CRTAC1: variants seen among roughly 807,000 people sequenced by gnomAD.
The protein encoded by CRTAC1 is cartilage acidic protein 1.
A neutral mutation model predicts 67.8 loss-of-function variants in CRTAC1; 37 were observed. The observed-to-expected ratio is 0.55, with a 90% confidence interval of 0.42 to 0.72. The LOEUF (loss-of-function observed/expected upper bound fraction) is 0.72. CRTAC1 is among the 30% of genes least tolerant of loss of function. The pLI is 0.00. For synonymous variants in CRTAC1, 348 were observed against 371.0 expected (o/e 0.94, Z 0.71); for missense variants, 780 against 931.6 (o/e 0.84, Z 2.12).
At chr10:98,007,967 C>T (rs1011521334) in intron 2 of CRTAC1, among the ~76,000 whole-genome samples, 3 of 152,174 alleles carry the variant, frequency 2.0e-5, no homozygotes, top group African/African-American at 7.2e-5. Context: ...GAGCAATCCC[C>T]TGCACATCAA....
intron 6 of CRTAC1, among the ~76,000 whole-genome samples, chr10:97,907,425 G>C (rs1352922476): frequency 6.6e-6 from 1 of 152,080 alleles, no homozygotes; most frequent in African/African-American, 2.4e-5. Flanking sequence ...GGGGATGAGT[G>C]CAGAGGAAGG....
chr10:97,976,831 C>T (rs2051812941), intron 2 of CRTAC1, among the ~76,000 whole-genome samples: 1 of 152,236 alleles, frequency 6.6e-6, no homozygotes. Context: ...GATTACAGGA[C>T]TGCACTTTAT....
At chr10:97,964,416 C>T (rs2051581091) in intron 2 of CRTAC1, among the ~76,000 whole-genome samples, 1 of 152,218 alleles carries the variant, frequency 6.6e-6, no homozygotes, top group Admixed American at 6.5e-5. Flanking sequence ...GGAGTTGCCG[C>T]TTGACAGGCC....
At chr10:98,028,544 T>C (rs566155611) in intron 1 of CRTAC1, among the ~76,000 whole-genome samples, 11 of 152,214 alleles carry the variant, frequency 7.2e-5, no homozygotes, top group Non-Finnish European at 1.0e-4. Context: ...AGGCCATTGG[T>C]CCACAGATTT....
At chr10:97,918,207 C>A (rs1227471776) in intron 4 of CRTAC1, among the ~76,000 whole-genome samples, 1 of 152,188 alleles carries the variant, frequency 6.6e-6, no homozygotes, top group African/African-American at 2.4e-5. Context: ...TCCTACTTCC[C>A]TCGTCCCTTC....
intron 1 of CRTAC1, among the ~76,000 whole-genome samples, chr10:98,026,176 C>A (rs1385979605): frequency 6.6e-6 from 1 of 152,206 alleles, no homozygotes; most frequent in Admixed American, 6.5e-5. Context: ...GCTCCCCTAC[C>A]CTCATCACAT....
At chr10:97,965,176 G>T (rs574440173) in intron 2 of CRTAC1, among the ~76,000 whole-genome samples, 1 of 152,174 alleles carries the variant, frequency 6.6e-6, no homozygotes, top group Non-Finnish European at 1.5e-5. Context: ...CTCGTGGAAG[G>T]TCCTCTTCTT....
chr10:98,018,362 T>C (rs556310199), intron 1 of CRTAC1, among the ~76,000 whole-genome samples: 66 of 152,154 alleles, frequency 4.3e-4, no homozygotes, highest in Non-Finnish European at 8.8e-4. Context: ...ATCTGTACCA[T>C]GGAGATCGTA....
At chr10:97,899,868 G>A (rs2050509666) in intron 8 of CRTAC1, among the ~76,000 whole-genome samples, 1 of 152,168 alleles carries the variant, frequency 6.6e-6, no homozygotes, top group South Asian at 2.1e-4. Flanking sequence ...CCATTGGAAT[G>A]TTTTAAGCCA....
chr10:97,865,826 G>GT, intron 14 of CRTAC1, 112 bp from the exon 15 acceptor site: 7 of 778,960 alleles, frequency 9.0e-6, no homozygotes, highest in Non-Finnish European at 1.1e-5. Context: ...CCCGGGGTGG[G>GT]AGGGAGGGTG....
chr10:97,877,326 T>C (rs900221204), intron 14 of CRTAC1, among the ~76,000 whole-genome samples: 2 of 152,212 alleles, frequency 1.3e-5, no homozygotes, highest in Non-Finnish European at 2.9e-5. Flanking sequence ...GTGGCAACAA[T>C]GTTACCTTCA....
intron 5 of CRTAC1, among the ~76,000 whole-genome samples, chr10:97,910,339 C>G (rs992591636): frequency 6.6e-6 from 1 of 152,308 alleles, no homozygotes; most frequent in South Asian, 2.1e-4. Flanking sequence ...GACGCTGCAG[C>G]CTTGCTGCTC....
chr10:97,907,765 T>C (rs939273513), intron 6 of CRTAC1, among the ~76,000 whole-genome samples: 3 of 152,136 alleles, frequency 2.0e-5, no homozygotes, highest in Non-Finnish European at 2.9e-5. Flanking sequence ...TCTCAGGTAC[T>C]GGAAGATGGC....
chr10:97,923,867 A>G (rs1343204966), intron 3 of CRTAC1, among the ~76,000 whole-genome samples: 2 of 152,124 alleles, frequency 1.3e-5, no homozygotes, highest in Non-Finnish European at 2.9e-5. Context: ...GTTCTGGTTC[A>G]TGGGTAGGTC....
chr10:97,881,865 C>T lies in CRTAC1; in HGVS notation c.1675+921G>A, dbSNP rs140754786. ...GTGACTGCCGAACTGCTCCTCATTC[C>T]TCAGGGCCCAGCTTGGACCTCACTT... On this transcript the variant is annotated intron_variant, in intron 13 of 14. Coordinates refer to ENST00000370597, the MANE Select transcript of CRTAC1 (RefSeq NM_018058.7). Among the ~76,000 whole-genome samples the T allele has an allele frequency of 2.0e-4, 31 of 152,282 alleles. No individual in the cohort carries two copies. In the East Asian group the frequency reaches 5.0e-3, roughly 25 times the overall value.
At chr10:97,908,833 AT>A (rs1168231788) in intron 5 of CRTAC1, among the ~76,000 whole-genome samples, 15 of 152,308 alleles carry the variant, frequency 9.8e-5, no homozygotes, top group Middle Eastern at 6.8e-3. Context: ...TCTTGCTTTT[AT>A]TTTTTAAAAT....
intron 14 of CRTAC1, among the ~76,000 whole-genome samples, chr10:97,874,246 G>T (rs189330035): frequency 2.0e-5 from 3 of 152,346 alleles, no homozygotes; most frequent in Admixed American, 2.0e-4. Flanking sequence ...CTTCTCAGGT[G>T]TTCCTGGATT....
At chr10:97,981,604 A>G (rs1415764752) in intron 2 of CRTAC1, among the ~76,000 whole-genome samples, 1 of 152,230 alleles carries the variant, frequency 6.6e-6, no homozygotes, top group Admixed American at 6.5e-5. Flanking sequence ...AGCCTTGCAC[A>G]TAATTTTCTG....
chr10:97,966,317 C>T (rs2051615573), intron 2 of CRTAC1, among the ~76,000 whole-genome samples: 1 of 152,224 alleles, frequency 6.6e-6, no homozygotes, highest in African/African-American at 2.4e-5. Flanking sequence ...GCCATGTTGG[C>T]CAGGCTGGTC....
Sources: gnomAD v4.1 joint callset for allele counts (sites outside exome capture counted in the v4.1 genomes callset) on GRCh38, gnomAD v4.1.1 for gene constraint, MANE v1.5 for transcripts, NCBI Gene and HGNC (gene_info 2026-07-23, HGNC 2026-07-21) for gene names.